The following GNAQ variants were observed in gnomAD, a reference collection of about 807,000 sequenced individuals.
GNAQ encodes the protein guanine nucleotide-binding protein G(q) subunit alpha.
A neutral mutation model predicts 43.9 loss-of-function variants in GNAQ; 8 were observed. The observed-to-expected ratio is 0.18, with a 90% CI of 0.11 to 0.33. GNAQ has a LOEUF of 0.33. GNAQ is among the 10% of genes least tolerant of loss of function. The pLI, the probability that GNAQ is intolerant of heterozygous loss-of-function variation, is 1.00. For synonymous variants in GNAQ, 155 were observed against 170.7 expected (o/e 0.91, Z 0.71); for missense variants, 158 against 450.8 (o/e 0.35, Z 5.88).
Position 77,728,544 on chromosome 9 carries a change from G to A in GNAQ, c.859C>T (p.His287Tyr). ...TATTCTGGGAAGTAGTCGACTAGAT[G>A]GGAATACATGATTTTCTCCTCTAGA... ...DLLEEKIMYS[H>Y]LVDYFPEYDG... The change falls in exon 6 of 7, where the codon CAT (histidine) becomes TAT (tyrosine). Residue 287 changes from histidine to tyrosine, a missense_variant. By Grantham distance (83) the His-to-Tyr change is moderately conservative (BLOSUM62 2). This residue lies in a region of GNAQ where 56 missense variants were observed against 172.2 expected (regional missense o/e 0.33). Coordinates refer to ENST00000286548, the MANE Select transcript of GNAQ (RefSeq NM_002072.5). The A allele has an allele frequency of 6.2e-7, 1 of 1,603,938 alleles. No homozygotes were observed. The highest frequency in any genetic ancestry group is 8.5e-7 in the Non-Finnish European group (1 of 1,171,664).
At chr9:77,986,802 CCT>C (rs1491260842) in intron 1 of GNAQ, among the ~76,000 whole-genome samples, 1 of 129,898 alleles carries the variant, frequency 7.7e-6, no homozygotes, top group East Asian at 2.2e-4. Flanking sequence ...GGCACCTGGC[CCT>C]TTTTTTTTTT....
chr9:77,840,591 C>G (rs1564127105), intron 2 of GNAQ, among the ~76,000 whole-genome samples: 1 of 152,114 alleles, frequency 6.6e-6, no homozygotes, highest in Non-Finnish European at 1.5e-5. Context: ...TTTGCCTCGG[C>G]CTCCCAAAGT....
chr9:77,827,984 C>T (rs1278616334), intron 2 of GNAQ, among the ~76,000 whole-genome samples: 4 of 139,280 alleles, frequency 2.9e-5, no homozygotes, highest in East Asian at 4.5e-4. Context: ...GGCGTGAACC[C>T]GGGAGGCAGA....
chr9:77,822,626 A>C (rs1424031434), intron 2 of GNAQ, among the ~76,000 whole-genome samples: 2 of 139,784 alleles, frequency 1.4e-5, no homozygotes, highest in Non-Finnish European at 3.1e-5. Context: ...TTTTTGATTA[A>C]AAAAAAAAAA....
At chr9:77,770,817 C>T (rs1482826666) in intron 5 of GNAQ, among the ~76,000 whole-genome samples, 1 of 152,082 alleles carries the variant, frequency 6.6e-6, no homozygotes, top group Non-Finnish European at 1.5e-5. Context: ...ATCTGTGCCA[C>T]AGGAATTCTT....
At chr9:77,742,716 T>TAACA (rs1270451933) in intron 5 of GNAQ, among the ~76,000 whole-genome samples, 2 of 152,078 alleles carry the variant, frequency 1.3e-5, no homozygotes, top group African/African-American at 4.8e-5. Context: ...TAAATACAAC[T>TAACA]AACAGAAACA....
chr9:77,798,907 T>C (rs1826700987), intron 3 of GNAQ, among the ~76,000 whole-genome samples: 1 of 152,218 alleles, frequency 6.6e-6, no homozygotes, highest in Admixed American at 6.5e-5. Flanking sequence ...TGAGATTTTA[T>C]ATGTAGAGAT....
chr9:77,728,465 G>A, intron 6 of GNAQ, 49 bp downstream of exon 6: 3 of 1,401,614 alleles, frequency 2.1e-6, no homozygotes, highest in Non-Finnish European at 3.0e-6. Context: ...GGGGTTTGGA[G>A]ACAAAACCTA....
intron 1 of GNAQ, among the ~76,000 whole-genome samples, chr9:77,948,881 T>C (rs890838971): frequency 2.6e-5 from 4 of 152,130 alleles, no homozygotes; most frequent in African/African-American, 7.2e-5. Context: ...CTAGATACTT[T>C]CCATTTGGGA....
At chr9:77,999,092 CAAAAAAAAA>C (rs56358201) in intron 1 of GNAQ, among the ~76,000 whole-genome samples, 2 of 52,590 alleles carry the variant, frequency 3.8e-5, no homozygotes, top group Non-Finnish European at 3.0e-5. Context: ...AACTCTGTCT[CAAAAAAAAA>C]AAAAAAAAAA....
intron 3 of GNAQ, among the ~76,000 whole-genome samples, chr9:77,813,197 C>T (rs557935823): frequency 1.2e-3 from 189 of 152,254 alleles, no homozygotes; most frequent in African/African-American, 4.3e-3. Flanking sequence ...GGATTACAGG[C>T]GTAAGCCACC....
intron 1 of GNAQ, among the ~76,000 whole-genome samples, chr9:77,957,633 T>G (rs752039198): frequency 1.3e-5 from 2 of 151,744 alleles, no homozygotes; most frequent in South Asian, 4.2e-4. Context: ...GTAATTTGAG[T>G]GAAAGAAAGG....
intron 1 of GNAQ, among the ~76,000 whole-genome samples, chr9:77,947,356 C>T (rs1362791900): frequency 2.0e-5 from 3 of 152,152 alleles, no homozygotes; most frequent in African/African-American, 4.8e-5. Flanking sequence ...CAACTTAAAA[C>T]GAAGAGAGGA....
At chr9:78,025,212 GGTGATT>G (rs762152673) in intron 1 of GNAQ, among the ~76,000 whole-genome samples, 1 of 151,840 alleles carries the variant, frequency 6.6e-6, no homozygotes, top group Non-Finnish European at 1.5e-5. Flanking sequence ...ACAAATCAAA[GGTGATT>G]GTTGAACAAC....
chr9:77,908,420 T>C (rs894970372), intron 2 of GNAQ, among the ~76,000 whole-genome samples: 1 of 152,198 alleles, frequency 6.6e-6, no homozygotes, highest in Non-Finnish European at 1.5e-5. Flanking sequence ...TGTATGTCTT[T>C]AAACAATAAG....
At chr9:77,825,995 A>G (rs1827189928) in intron 2 of GNAQ, among the ~76,000 whole-genome samples, 2 of 152,156 alleles carry the variant, frequency 1.3e-5, no homozygotes, top group African/African-American at 4.8e-5. Flanking sequence ...TAAAAACAAC[A>G]AAAACAAAAA....
At chr9:78,015,196 A>G (rs1823823769) in intron 1 of GNAQ, among the ~76,000 whole-genome samples, 1 of 152,216 alleles carries the variant, frequency 6.6e-6, no homozygotes, top group African/African-American at 2.4e-5. Flanking sequence ...CTGTGCTACA[A>G]AAGCCCGCAG....
intron 5 of GNAQ, among the ~76,000 whole-genome samples, chr9:77,786,282 G>C (rs1298723486): frequency 6.6e-6 from 1 of 151,148 alleles, no homozygotes; most frequent in Non-Finnish European, 1.5e-5. Context: ...GCAAGCTGAG[G>C]CAGGAGAATG....
At chr9:78,008,721 C>T (rs577431825) in intron 1 of GNAQ, among the ~76,000 whole-genome samples, 14 of 152,270 alleles carry the variant, frequency 9.2e-5, no homozygotes, top group East Asian at 1.9e-4. Context: ...TGGGTTCAAG[C>T]GATTCTCCCA....
Sources: gnomAD v4.1 joint callset for allele counts (sites outside exome capture counted in the v4.1 genomes callset) on GRCh38, gnomAD v4.1.1 for gene constraint, gnomAD v4.1.1 regional missense constraint, MANE v1.5 for transcripts, NCBI Gene and HGNC (gene_info 2026-07-23, HGNC 2026-07-21) for gene names.